Variants in CADM2 observed in about 807,000 individuals in gnomAD.
The protein encoded by CADM2 is cell adhesion molecule 2.
Under a neutral mutation model 49.8 loss-of-function variants are expected in CADM2, and 12 were observed. That is an observed-to-expected ratio of 0.24 (90% CI 0.15 to 0.39). CADM2 has a LOEUF of 0.39. Among genes scored for constraint, CADM2 ranks in the 10% least tolerant of loss-of-function variants. The pLI is 1.00. For synonymous variants in CADM2, 214 were observed against 175.4 expected (o/e 1.22, Z -1.74); for missense variants, 378 against 492.3 (o/e 0.77, Z 2.20).
chr3:86,041,062 A>T (rs1735843644), intron 8 of CADM2, among the ~76,000 whole-genome samples: 1 of 152,186 alleles, frequency 6.6e-6, no homozygotes, highest in Non-Finnish European at 1.5e-5. Flanking sequence ...GGCCTGCCCT[A>T]AAAGAGCTCC....
At chr3:86,023,354 T>A (rs1039747581) in intron 8 of CADM2, among the ~76,000 whole-genome samples, 93 of 127,172 alleles carry the variant, frequency 7.3e-4, no homozygotes, top group African/African-American at 2.8e-3. Context: ...ATGAGGTTTT[T>A]TGTTTGTTTG....
At chr3:85,587,100 G>A (rs1469045874) in intron 1 of CADM2, among the ~76,000 whole-genome samples, 1 of 152,004 alleles carries the variant, frequency 6.6e-6, no homozygotes, top group African/African-American at 2.4e-5. Context: ...TTTCTAATTT[G>A]CAAAATGGGT....
intron 1 of CADM2, among the ~76,000 whole-genome samples, chr3:85,085,627 A>G (rs551445207): frequency 6.6e-6 from 1 of 152,196 alleles, no homozygotes; most frequent in African/African-American, 2.4e-5. Context: ...CTTCTTAGTT[A>G]GTTTTTCTTT....
intron 1 of CADM2, among the ~76,000 whole-genome samples, chr3:85,530,147 C>G (rs979185028): frequency 6.6e-6 from 1 of 152,062 alleles, no homozygotes; most frequent in African/African-American, 2.4e-5. Flanking sequence ...TGCATGAGAT[C>G]TGATGGTTTT....
At chr3:85,672,124 A>G (rs1015001576) in intron 1 of CADM2, among the ~76,000 whole-genome samples, 1 of 152,156 alleles carries the variant, frequency 6.6e-6, no homozygotes, top group Admixed American at 6.6e-5. Context: ...TTATTCAAAC[A>G]TAAGTCAAGA....
intron 2 of CADM2, among the ~76,000 whole-genome samples, chr3:85,775,517 C>T (rs1316394511): frequency 6.6e-6 from 1 of 151,716 alleles, no homozygotes; most frequent in Non-Finnish European, 1.5e-5. Context: ...ACTTGAAAAT[C>T]AAAATCCACT....
At chr3:85,554,315 A>C (rs1310348150) in intron 1 of CADM2, among the ~76,000 whole-genome samples, 2 of 152,120 alleles carry the variant, frequency 1.3e-5, no homozygotes, top group Non-Finnish European at 2.9e-5. Flanking sequence ...CAGGAGGTGG[A>C]GTTCAGGCGG....
intron 1 of CADM2, among the ~76,000 whole-genome samples, chr3:85,546,910 C>A (rs552420746): frequency 1.3e-5 from 2 of 152,162 alleles, no homozygotes; most frequent in Non-Finnish European, 2.9e-5. Context: ...CAAACACCAT[C>A]TTTTTCAATC....
chr3:85,766,558 G>A (rs899264835), intron 2 of CADM2, among the ~76,000 whole-genome samples: 1 of 152,196 alleles, frequency 6.6e-6, no homozygotes, highest in African/African-American at 2.4e-5. Flanking sequence ...TTGCACATTT[G>A]GAGCAACCAA....
At chr3:85,209,199 T>C (rs1165835704) in intron 1 of CADM2, among the ~76,000 whole-genome samples, 1 of 152,118 alleles carries the variant, frequency 6.6e-6, no homozygotes, top group African/African-American at 2.4e-5. Flanking sequence ...CAAAAAGATA[T>C]TTAAGATCTA....
At position 85,003,096 on chromosome 3, in the gene CADM2, G is replaced by A. The variant is rs1047304378; in HGVS notation, c.61+43428G>A. 5.3e-5 allele frequency among the ~76,000 whole-genome samples: 8 copies of A among 152,132 alleles called. No individual in the cohort carries two copies. The South Asian group carries it at 6.2e-4, about 12-fold the overall frequency. On this transcript the variant is annotated intron_variant, in intron 1 of 9. Transcript: ENST00000383699. Reference sequence around the variant, plus strand: ...CAGGCATGAGCTACCTCACCTGGCCGTATCCTTTGAGAATCTCCATCCACA... The same window carrying A: ...CAGGCATGAGCTACCTCACCTGGCCATATCCTTTGAGAATCTCCATCCACA...
intron 1 of CADM2, among the ~76,000 whole-genome samples, chr3:85,311,667 C>T (rs1174462722): frequency 1.3e-5 from 2 of 152,086 alleles, no homozygotes. Context: ...TGAGCCACCA[C>T]GCCCGGCCGC....
chr3:85,928,066 C>T (rs1358440943), intron 6 of CADM2, among the ~76,000 whole-genome samples: 4 of 152,006 alleles, frequency 2.6e-5, no homozygotes, highest in Non-Finnish European at 5.9e-5. Context: ...AATATCTTTA[C>T]TTTGATTCAA....
intron 6 of CADM2, among the ~76,000 whole-genome samples, chr3:85,928,602 T>C (rs1720208357): frequency 6.6e-6 from 1 of 152,200 alleles, no homozygotes; most frequent in Non-Finnish European, 1.5e-5. Context: ...ATTTAAACAT[T>C]TTATAGACAT....
At chr3:85,968,188 T>A (rs1382222265) in intron 8 of CADM2, among the ~76,000 whole-genome samples, 1 of 151,572 alleles carries the variant, frequency 6.6e-6, no homozygotes, top group Non-Finnish European at 1.5e-5. Flanking sequence ...ATCGCTGAGA[T>A]AAAACGCTAT....
At chr3:85,538,475 A>G (rs2061471342) in intron 1 of CADM2, among the ~76,000 whole-genome samples, 1 of 152,148 alleles carries the variant, frequency 6.6e-6, no homozygotes, top group Non-Finnish European at 1.5e-5. Flanking sequence ...CCACTTCGCC[A>G]CAGCTGCTTT....
At chr3:85,931,563 A>C (rs765299701) in intron 6 of CADM2, among the ~76,000 whole-genome samples, 3 of 152,248 alleles carry the variant, frequency 2.0e-5, no homozygotes, top group Admixed American at 6.5e-5. Context: ...TAAAAAGAAC[A>C]TTACACAAAG....
At chr3:85,457,515 C>A (rs2038050022) in intron 1 of CADM2, among the ~76,000 whole-genome samples, 1 of 152,072 alleles carries the variant, frequency 6.6e-6, no homozygotes, top group Non-Finnish European at 1.5e-5. Flanking sequence ...GTACATATTA[C>A]CTTTTCTACC....
intron 8 of CADM2, among the ~76,000 whole-genome samples, chr3:85,997,502 G>C (rs1729576540): frequency 6.6e-6 from 1 of 151,884 alleles, no homozygotes; most frequent in Admixed American, 6.6e-5. Flanking sequence ...CTTTAACTGG[G>C]AAAATGGAAA....
Sources: allele counts gnomAD v4.1 joint callset (sites outside exome capture counted in the v4.1 genomes callset), GRCh38; gene constraint gnomAD v4.1.1; transcripts MANE v1.5; gene names NCBI Gene and HGNC (gene_info 2026-07-23, HGNC 2026-07-21).